Variants in RSF1 observed in about 807,000 individuals in gnomAD.
RSF1 encodes the protein HBV pX-associated protein 8.
RSF1 carries 13 observed loss-of-function variants against 145.2 expected under a neutral mutation model. The ratio of observed to expected loss-of-function variants is 0.09; its 90% CI spans 0.06 to 0.14. RSF1 has a LOEUF of 0.14. Among genes scored for constraint, RSF1 ranks in the 10% least tolerant of loss-of-function variants. RSF1 has a pLI of 1.00. For missense variants in RSF1, 1,517 were observed against 1,718.2 expected (o/e 0.88, Z 2.07); for synonymous variants, 577 against 592.6 (o/e 0.97, Z 0.38).
the RSF1 span, among the ~76,000 whole-genome samples, chr11:77,855,163 T>C: frequency 6.6e-6 from 1 of 152,176 alleles, no homozygotes; most frequent in Non-Finnish European, 1.5e-5. Context: ...TATTTCCTCC[T>C]AGGCCTCCAG....
intron 1 of RSF1, among the ~76,000 whole-genome samples, chr11:77,785,843 G>A (rs1328207843): frequency 2.3e-5 from 3 of 129,792 alleles, no homozygotes; most frequent in Non-Finnish European, 4.8e-5. Flanking sequence ...GGAGAATGGC[G>A]TGAACCTGGG....
the RSF1 span, among the ~76,000 whole-genome samples, chr11:77,870,329 ATTTT>A: frequency 2.3e-5 from 2 of 87,978 alleles, no homozygotes; most frequent in Non-Finnish European, 4.4e-5. Flanking sequence ...CTATTTTTTA[ATTTT>A]TTTTTTTTTT....
At chr11:77,790,500 C>T (rs1948506125) in intron 1 of RSF1, among the ~76,000 whole-genome samples, 1 of 152,178 alleles carries the variant, frequency 6.6e-6, no homozygotes, top group Admixed American at 6.5e-5. Flanking sequence ...CAAAACCAAA[C>T]ATGCCTTCCC....
the RSF1 span, among the ~76,000 whole-genome samples, chr11:77,852,794 G>A: frequency 6.6e-6 from 1 of 151,844 alleles, no homozygotes; most frequent in African/African-American, 2.4e-5. Flanking sequence ...ATACGCAAAA[G>A]GTAGCATGCC....
At chr11:77,690,969 C>T (rs970547531) in intron 9 of RSF1, 190 bp downstream of exon 9, 10 of 525,330 alleles carry the variant, frequency 1.9e-5, no homozygotes, top group African/African-American at 7.7e-5. Context: ...TCTAGTTTTT[C>T]CCCCCAATCA....
the RSF1 span, among the ~76,000 whole-genome samples, chr11:77,849,639 T>C: frequency 2.6e-5 from 4 of 152,168 alleles, no homozygotes; most frequent in African/African-American, 7.2e-5. Flanking sequence ...ATCTGTTTTT[T>C]TGTGTGTTTT....
the RSF1 span, among the ~76,000 whole-genome samples, chr11:77,865,933 G>C: frequency 6.6e-6 from 1 of 152,200 alleles, no homozygotes; most frequent in Non-Finnish European, 1.5e-5. Context: ...GGCAGAGGCA[G>C]CAAGATTATT....
At chr11:77,795,505 T>C (rs902902186) in intron 1 of RSF1, among the ~76,000 whole-genome samples, 3 of 152,078 alleles carry the variant, frequency 2.0e-5, no homozygotes, top group African/African-American at 4.8e-5. Context: ...CATTTCAGTA[T>C]TGGTATAAAA....
chr11:77,752,499 A>G (rs1327200162), intron 2 of RSF1, among the ~76,000 whole-genome samples: 2 of 152,004 alleles, frequency 1.3e-5, no homozygotes, highest in African/African-American at 4.8e-5. Flanking sequence ...CCTCCCCATC[A>G]ATTCATCTAT....
chr11:77,802,861 A>G (rs895690611), intron 1 of RSF1, among the ~76,000 whole-genome samples: 3 of 152,070 alleles, frequency 2.0e-5, no homozygotes. Context: ...AAAAGATATC[A>G]CAAGAAAAAA....
At chr11:77,815,642 A>G (rs899124338) in intron 1 of RSF1, among the ~76,000 whole-genome samples, 5 of 151,982 alleles carry the variant, frequency 3.3e-5, no homozygotes, top group Admixed American at 6.6e-5. Context: ...AATCTCAGAG[A>G]AAAAAAACTA....
chr11:77,712,596 T>A (rs933460838), intron 5 of RSF1, among the ~76,000 whole-genome samples: 3 of 152,230 alleles, frequency 2.0e-5, no homozygotes, highest in African/African-American at 7.2e-5. Context: ...ATCCTGCTTC[T>A]AAACAAACTT....
the RSF1 span, among the ~76,000 whole-genome samples, chr11:77,863,730 GTCTCAAACTCCTGGCC>G: frequency 1.3e-5 from 2 of 152,070 alleles, no homozygotes; most frequent in African/African-American, 4.8e-5. Context: ...GCCCAGGCTG[GTCTCAAACTCCTGGCC>G]TCAAGCGACC....
chr11:77,842,750 A>T, the RSF1 span: 3 of 1,350,232 alleles, frequency 2.2e-6, no homozygotes, highest in South Asian at 4.1e-5. Flanking sequence ...TAATTCATAT[A>T]CCATTAAATT....
At chr11:77,869,679 G>T in the RSF1 span, 1 of 1,567,610 alleles carries the variant, frequency 6.4e-7, no homozygotes, top group Non-Finnish European at 8.8e-7. Context: ...TGCAATGAAA[G>T]ATTGAGAGCA....
intron 1 of RSF1, among the ~76,000 whole-genome samples, chr11:77,796,497 G>C (rs1305199297): frequency 1.3e-5 from 2 of 152,038 alleles, no homozygotes; most frequent in South Asian, 2.1e-4. Flanking sequence ...ACTAGATATC[G>C]ATGGAAACAT....
At chr11:77,828,989 G>A in the RSF1 span, among the ~76,000 whole-genome samples, 3 of 152,264 alleles carry the variant, frequency 2.0e-5, no homozygotes, top group African/African-American at 4.8e-5. Flanking sequence ...ACACAGCTAC[G>A]GTAATCAAGA....
At chr11:77,813,086 TTC>T (rs1948746178) in intron 1 of RSF1, among the ~76,000 whole-genome samples, 2 of 152,160 alleles carry the variant, frequency 1.3e-5, no homozygotes, top group Non-Finnish European at 2.9e-5. Context: ...TCCCTGCTTC[TTC>T]TGTTTATTAA....
chr11:77,781,983 C>T (rs1225734890), intron 1 of RSF1, among the ~76,000 whole-genome samples: 1 of 152,060 alleles, frequency 6.6e-6, no homozygotes, highest in Non-Finnish European at 1.5e-5. Flanking sequence ...TTTTAGTTGG[C>T]TATAGTAATA....
Sources: gnomAD v4.1 joint callset for allele counts (sites outside exome capture counted in the v4.1 genomes callset) on GRCh38, gnomAD v4.1.1 for gene constraint, MANE v1.5 for transcripts, NCBI Gene and HGNC (gene_info 2026-07-23, HGNC 2026-07-21) for gene names.